Variants in ZNF846 observed in about 807,000 individuals in gnomAD.
ZNF846 encodes the protein zinc finger protein 420 pseudogene.
Under a neutral mutation model 16.0 loss-of-function variants are expected in ZNF846, and 15 were observed. That is an observed-to-expected ratio of 0.94 (90% confidence interval 0.63 to 1.45). ZNF846 has a LOEUF of 1.45. ZNF846 is among the 40% of genes most tolerant of loss of function. The probability of loss-of-function intolerance (pLI) is 0.00; values close to 1 mark genes in which losing one functional copy is unlikely to be tolerated. For missense variants in ZNF846, 714 were observed against 622.3 expected, an observed-to-expected ratio of 1.15 and a Z score of -1.57; for synonymous variants, 229 against 212.0, an observed-to-expected ratio of 1.08 and a Z score of -0.70.
rs559476606 is a variant in ZNF846 at position 9,779,926 on chromosome 19, G to T, written c.-86+6012C>A. The stretch of plus-strand genomic sequence containing the variant: ...GCTGTCACTCCTGTCACTCAGGCTG[G>T]AGTGTAGTACAGTGATCTTCACTCA... On this transcript the variant is annotated intron_variant, in intron 1 of 4. Coordinates refer to the ZNF846 transcript ENST00000586814. Among the ~76,000 whole-genome samples the T allele has an allele frequency of 7.2e-4, 109 of 151,548 alleles. 3 individuals are homozygous for T. Among genetic ancestry groups the T allele is most frequent in the African/African-American group, 2.5e-3 (103 of 41,260 alleles).
intron 1 of ZNF846, among the ~76,000 whole-genome samples, chr19:9,773,890 T>C (rs181473729): frequency 1.3e-5 from 2 of 152,146 alleles, no homozygotes; most frequent in African/African-American, 4.8e-5. Context: ...CCCTAGAGAA[T>C]AAAATAATAA....
At chr19:9,759,277 C>T (rs1453877040) in intron 5 of ZNF846, among the ~76,000 whole-genome samples, 3 of 151,088 alleles carry the variant, frequency 2.0e-5, no homozygotes, top group Non-Finnish European at 4.4e-5. Context: ...GGATTACAGG[C>T]ATTAGCCACA....
chr19:9,757,927 G>A lies in ZNF846; in HGVS notation c.1150C>T (p.His384Tyr), dbSNP rs545723652. 326 of 1,613,588 alleles carry A rather than the reference G, an allele frequency of 2.0e-4. 6 individuals are homozygous for A. The South Asian group carries it at 3.5e-3, about 17-fold the overall frequency. The stretch of plus-strand genomic sequence containing the variant: ...TTTTCTCCAGTATGTGTTCTCATGT[G>A]TAAAACAAGTCCTGAGGAACGAGTA... Residue 384 changes from histidine (H) to tyrosine (Y), a missense_variant, in exon 6 of 6, where the codon CAC (histidine) becomes TAC (tyrosine). Transcript: ENST00000397902.
intron 1 of ZNF846, among the ~76,000 whole-genome samples, chr19:9,782,948 G>A (rs915749669): frequency 4.0e-5 from 6 of 151,336 alleles, no homozygotes; most frequent in Non-Finnish European, 7.4e-5. Context: ...AAGAGACAGG[G>A]TCTTGCTCTG....
chr19:9,756,345 G>GTGTGTATATATATA (rs1321690890), downstream of ZNF846: 31 of 81,764 alleles, frequency 3.8e-4, no homozygotes, highest in African/African-American at 6.1e-4. Context: ...GTGTGTGTGT[G>GTGTGTATATATATA]TATATATATA....
downstream of ZNF846, among the ~76,000 whole-genome samples, chr19:9,749,973 C>T (rs1442689522): frequency 6.6e-6 from 1 of 152,064 alleles, no homozygotes; most frequent in Non-Finnish European, 1.5e-5. Flanking sequence ...CCCCTAACCA[C>T]ACAAACAACT....
At chr19:9,777,927 A>G (rs1213211480) in intron 1 of ZNF846, among the ~76,000 whole-genome samples, 1 of 152,218 alleles carries the variant, frequency 6.6e-6, no homozygotes, top group Non-Finnish European at 1.5e-5. Context: ...GTACAAACCA[A>G]AACAATACAG....
chr19:9,754,544 G>A (rs189378523), downstream of ZNF846, among the ~76,000 whole-genome samples: 9 of 119,098 alleles, frequency 7.6e-5, no homozygotes, highest in Admixed American at 2.9e-4. Context: ...CAGCCTGGGC[G>A]ACAGAGCGAG....
chr19:9,770,740 G>A (rs568781688), upstream of ZNF846, among the ~76,000 whole-genome samples: 6 of 151,156 alleles, frequency 4.0e-5, no homozygotes, highest in South Asian at 4.2e-4. Flanking sequence ...GTGGTGGTGC[G>A]CACCTGTAAT....
At chr19:9,781,841 C>T (rs1568331273) in intron 1 of ZNF846, among the ~76,000 whole-genome samples, 1 of 146,072 alleles carries the variant, frequency 6.8e-6, no homozygotes, top group Admixed American at 7.0e-5. Flanking sequence ...TGCAATGGTG[C>T]GATCTTGACT....
At chr19:9,775,504 G>A (rs2045431269) in intron 1 of ZNF846, among the ~76,000 whole-genome samples, 1 of 152,074 alleles carries the variant, frequency 6.6e-6, no homozygotes, top group Non-Finnish European at 1.5e-5. Flanking sequence ...CAGATCAATT[G>A]GGGCAAAAAT....
At chr19:9,781,164 A>T (rs1473139711) in intron 1 of ZNF846, among the ~76,000 whole-genome samples, 1 of 152,044 alleles carries the variant, frequency 6.6e-6, no homozygotes, top group African/African-American at 2.4e-5. Flanking sequence ...TTTGAGATGG[A>T]ATCTCCCTCT....
downstream of ZNF846, among the ~76,000 whole-genome samples, chr19:9,750,347 C>T (rs2045074060): frequency 6.6e-6 from 1 of 152,162 alleles, no homozygotes; most frequent in African/African-American, 2.4e-5. Context: ...CTTTCTTATA[C>T]ACCATGAGAA....
downstream of ZNF846, among the ~76,000 whole-genome samples, chr19:9,751,201 T>C (rs1392405058): frequency 6.6e-6 from 1 of 152,122 alleles, no homozygotes; most frequent in Non-Finnish European, 1.5e-5. Context: ...CAACAAATGC[T>C]GCTTTTAACA....
chr19:9,758,842 T>C (rs910108135), intron 5 of ZNF846, 78 bp from the exon 6 acceptor site: 2 of 1,102,894 alleles, frequency 1.8e-6, no homozygotes, highest in Non-Finnish European at 2.6e-6. Flanking sequence ...TCACAACATA[T>C]ATGCATTGGA....
rs1316492982 is a variant in ZNF846, at chr19:9,757,593, A to G, written c.1484T>C (p.Val495Ala). Reference sequence around the variant, plus strand: ...TGCTCCAGTGTGAGTTCGTGTGTGAACGTTAAGGTATGTGGAATACCTGAA... The same window carrying G: ...TGCTCCAGTGTGAGTTCGTGTGTGAGCGTTAAGGTATGTGGAATACCTGAA... Residue 495 changes from valine (V) to alanine (A), a missense_variant, in exon 6 of 6, where the codon GTT becomes GCT. Val to Ala is a moderately conservative substitution (Grantham distance 64). Coordinates refer to ENST00000397902, the Ensembl canonical transcript of ZNF846. 5.0e-6 allele frequency: 8 copies of G among 1,613,456 alleles called. No individual in the cohort carries two copies. The highest frequency in any genetic ancestry group is 6.8e-6 in the Non-Finnish European group (8 of 1,179,992).
chr19:9,761,443 A>G (rs2045226382), intron 4 of ZNF846, among the ~76,000 whole-genome samples: 1 of 151,960 alleles, frequency 6.6e-6, no homozygotes, highest in Admixed American at 6.6e-5. Context: ...TGTCAAAACT[A>G]TCACTACACC....
intron 1 of ZNF846, among the ~76,000 whole-genome samples, chr19:9,778,011 C>T (rs1481304584): frequency 2.0e-5 from 3 of 152,130 alleles, no homozygotes; most frequent in Non-Finnish European, 2.9e-5. Flanking sequence ...ATTCAAATGT[C>T]CAGTTTTTAA....
At chr19:9,762,060 C>A in intron 4 of ZNF846, 22 bp downstream of exon 4, 1 of 1,606,526 alleles carries the variant, frequency 6.2e-7, no homozygotes, top group Non-Finnish European at 8.5e-7. Context: ...TGCCATAATA[C>A]CACATCTGCT....
Sources: allele counts gnomAD v4.1 joint callset (sites outside exome capture counted in the v4.1 genomes callset), GRCh38; gene constraint gnomAD v4.1.1; transcripts MANE v1.5; gene names NCBI Gene and HGNC (gene_info 2026-07-23, HGNC 2026-07-21).